The following BEND6 variants were observed in gnomAD, a reference collection of about 807,000 sequenced individuals.
BEND6 encodes the protein BEN domain-containing protein 6.
A neutral mutation model predicts 31.8 loss-of-function variants in BEND6; 24 were observed. That is an observed-to-expected ratio of 0.75 (90% CI 0.55 to 1.06). The LOEUF (loss-of-function observed/expected upper bound fraction) is 1.06. Among genes scored for constraint, BEND6 ranks in the 50% least tolerant of loss-of-function variants. The probability of loss-of-function intolerance (pLI) is 0.00; values close to 1 mark genes in which losing one functional copy is unlikely to be tolerated. For synonymous variants in BEND6, 109 were observed against 114.6 expected, an observed-to-expected ratio of 0.95 and a Z score of 0.31; for missense variants, 294 against 327.4, an observed-to-expected ratio of 0.90 and a Z score of 0.79.
intron 1 of BEND6, among the ~76,000 whole-genome samples, chr6:56,970,637 T>G (rs888951802): frequency 1.3e-5 from 2 of 152,246 alleles, no homozygotes; most frequent in Admixed American, 1.3e-4. Context: ...TATCAGAAAC[T>G]GGTAGTATTT....
chr6:56,982,801 C>T (rs1007419721), intron 2 of BEND6, among the ~76,000 whole-genome samples: 1 of 152,054 alleles, frequency 6.6e-6, no homozygotes, highest in Non-Finnish European at 1.5e-5. Flanking sequence ...GTTTATTGTT[C>T]CAGTGTTTCT....
At chr6:56,984,023 A>G (rs1266672085) in intron 2 of BEND6, among the ~76,000 whole-genome samples, 5 of 152,142 alleles carry the variant, frequency 3.3e-5, no homozygotes, top group Admixed American at 6.6e-5. Flanking sequence ...GTTTGTGACC[A>G]GCCTGGGCAA....
At chr6:56,959,251 C>T (rs560715803) in intron 1 of BEND6, among the ~76,000 whole-genome samples, 1 of 152,110 alleles carries the variant, frequency 6.6e-6, no homozygotes, top group Non-Finnish European at 1.5e-5. Flanking sequence ...GGCTCCATGC[C>T]CATGGTTTCT....
chr6:56,967,933 G>T (rs1825543102), intron 1 of BEND6, among the ~76,000 whole-genome samples: 1 of 152,094 alleles, frequency 6.6e-6, no homozygotes, highest in South Asian at 2.1e-4. Context: ...TACCACAAAG[G>T]GTGTCTGTGA....
chr6:56,983,651 T>C (rs1826146043), intron 2 of BEND6, among the ~76,000 whole-genome samples: 1 of 152,220 alleles, frequency 6.6e-6, no homozygotes, highest in South Asian at 2.1e-4. Context: ...TGTTCTTTTT[T>C]AGGGCTCAAT....
intron 1 of BEND6, among the ~76,000 whole-genome samples, chr6:56,970,660 T>C (rs1825661288): frequency 6.6e-6 from 1 of 152,238 alleles, no homozygotes; most frequent in Admixed American, 6.5e-5. Flanking sequence ...TATATAGCCA[T>C]ATTCATAATG....
At chr6:57,011,131 C>T (rs952345905) in intron 3 of BEND6, among the ~76,000 whole-genome samples, 39 of 152,072 alleles carry the variant, frequency 2.6e-4, no homozygotes, top group Non-Finnish European at 4.3e-4. Context: ...TTTAACTTCA[C>T]AGTACTTAAA....
chr6:56,980,418 A>G (rs996825828), intron 1 of BEND6, among the ~76,000 whole-genome samples: 1 of 152,158 alleles, frequency 6.6e-6, no homozygotes, highest in Non-Finnish European at 1.5e-5. Context: ...TGAATTTCTC[A>G]GCTCAGGCAA....
At chr6:56,987,579 A>G (rs1329699752) in intron 2 of BEND6, among the ~76,000 whole-genome samples, 1 of 152,140 alleles carries the variant, frequency 6.6e-6, no homozygotes, top group East Asian at 1.9e-4. Flanking sequence ...CCACCTGGAG[A>G]TTCATCCCCT....
intron 2 of BEND6, 67 bp downstream of exon 2, chr6:56,981,997 A>G (rs1231365385): frequency 6.8e-7 from 1 of 1,480,644 alleles, no homozygotes; most frequent in Non-Finnish European, 9.1e-7. Flanking sequence ...GGTTTCTTTC[A>G]TAATTTATTA....
chr6:57,013,064 G>A (rs1242761237), intron 3 of BEND6, among the ~76,000 whole-genome samples: 3 of 152,144 alleles, frequency 2.0e-5, no homozygotes, highest in Non-Finnish European at 4.4e-5. Context: ...AGCACCTGAT[G>A]CTTCTTCTTT....
At chr6:57,003,581 A>T (rs556043527) in intron 3 of BEND6, among the ~76,000 whole-genome samples, 1 of 152,288 alleles carries the variant, frequency 6.6e-6, no homozygotes, top group Non-Finnish European at 1.5e-5. Flanking sequence ...AGATGGATTC[A>T]TAGACAAATT....
intron 3 of BEND6, among the ~76,000 whole-genome samples, chr6:56,998,594 A>G (rs990331307): frequency 2.6e-5 from 4 of 152,188 alleles, no homozygotes; most frequent in African/African-American, 9.6e-5. Flanking sequence ...GTAAAGAATG[A>G]AAAATCAATG....
In BEND6 at chr6:57,026,265, G is replaced by A. The variant is rs927895433; in HGVS notation, c.*193G>A. ...AAGCTTGCTGAAGAAGCTGCATGTA[G>A]ATTCCACCCTCAGTACTAGTGATGC... On this transcript the variant is annotated 3_prime_UTR_variant, in exon 7 of 7. Transcript: ENST00000370746. 6.6e-6 allele frequency: 1 copy of A among 152,206 alleles called. No homozygotes were observed. The highest frequency in any genetic ancestry group is 1.5e-5 in the Non-Finnish European group (1 of 68,046). The allele number at this position is 152,206 out of a possible 1,614,324, so 9.4% of individuals were successfully genotyped here. A position where few individuals can be genotyped will look rare whatever the true frequency, so the allele number is the denominator to read the frequency against.
chr6:57,014,686 T>C (rs1827467322), intron 3 of BEND6, among the ~76,000 whole-genome samples: 1 of 152,138 alleles, frequency 6.6e-6, no homozygotes. Context: ...TCATAGAAAA[T>C]TTATTTTCAT....
chr6:56,979,719 C>G (rs983358759), intron 1 of BEND6, among the ~76,000 whole-genome samples: 7 of 152,210 alleles, frequency 4.6e-5, no homozygotes, highest in African/African-American at 1.7e-4. Context: ...AATTTGTCTT[C>G]TCTCTTGCTA....
At chr6:57,024,985 T>C (rs1472340432) in intron 6 of BEND6, among the ~76,000 whole-genome samples, 2 of 152,206 alleles carry the variant, frequency 1.3e-5, no homozygotes, top group African/African-American at 4.8e-5. Context: ...ACTTAATCCA[T>C]TCTGCTGTTG....
At chr6:57,018,345 T>A in intron 5 of BEND6, 76 bp from the exon 6 acceptor site, 1 of 1,439,346 alleles carries the variant, frequency 6.9e-7, no homozygotes. Context: ...GAATACTTGA[T>A]GTTTTACCTC....
chr6:57,005,179 G>C (rs1199717933), intron 3 of BEND6, among the ~76,000 whole-genome samples: 1 of 151,920 alleles, frequency 6.6e-6, no homozygotes. Flanking sequence ...CATAATAGGT[G>C]TCCAATATCT....
Sources: gnomAD v4.1 joint callset for allele counts (sites outside exome capture counted in the v4.1 genomes callset) on GRCh38, gnomAD v4.1.1 for gene constraint, MANE v1.5 for transcripts, NCBI Gene and HGNC (gene_info 2026-07-23, HGNC 2026-07-21) for gene names.